PCDHA7: variants seen among roughly 807,000 people sequenced by gnomAD.
The protein encoded by PCDHA7 is protocadherin alpha 7.
In PCDHA7, 37 loss-of-function variants were observed where a neutral mutation model predicts 57.2. The ratio of observed to expected loss-of-function variants is 0.65; its 90% confidence interval spans 0.50 to 0.85. The LOEUF is 0.85. PCDHA7 is among the 40% of genes least tolerant of loss of function. PCDHA7 has a pLI of 0.00. For synonymous variants in PCDHA7, 553 were observed against 558.8 expected (o/e 0.99, Z 0.15); for missense variants, 1,188 against 1,241.8 (o/e 0.96, Z 0.65).
intron 1 of PCDHA7, chr5:140,927,776 T>C (rs781966197): frequency 7.4e-6 from 12 of 1,614,140 alleles, no homozygotes; most frequent in South Asian, 1.1e-5. Flanking sequence ...GAGGTGCAAG[T>C]AGCTGCTTCA....
rs562257406 is a variant in PCDHA7 at position 140,883,263 on chromosome 5, G to A, written c.2355+46525G>A. 5.0e-6 allele frequency: 8 copies of A among 1,613,870 alleles called. No individual in the cohort carries two copies. The Admixed American group carries it at 6.7e-5, about 13-fold the overall frequency. ...GACAAAGGAAATATTCCAATGGCGG[G>A]TCATTGTACCCTTTTGGTGGAAGTA... On this transcript the variant is annotated intron_variant, in intron 1 of 3. Transcript: ENST00000525929.
chr5:140,997,668 T>TTGTGTGTGTGTGTGTG (rs35184029), intron 3 of PCDHA7, among the ~76,000 whole-genome samples: 13 of 148,244 alleles, frequency 8.8e-5, no homozygotes, highest in African/African-American at 2.2e-4. Flanking sequence ...ATTATACAGC[T>TTGTGTGTGTGTGTGTG]TGTGTGTGTG....
chr5:140,928,258 G>A lies in PCDHA7; in HGVS notation c.2356-50691G>A, dbSNP rs782503341. 15 of 1,614,094 alleles carry A rather than the reference G, an allele frequency of 9.3e-6. No individual in the cohort carries two copies. The Admixed American group carries it at 2.0e-4, about 22-fold the overall frequency. On this transcript the variant is annotated intron_variant, in intron 1 of 3. Transcript: ENST00000525929. The stretch of plus-strand genomic sequence containing the variant: ...ACCCCAGCAGGAACTTTTCGTTGCT[G>A]AAAACAATGGCCCTGGGGCCTCTCT...
At chr5:140,986,668 A>C (rs927109652) in intron 3 of PCDHA7, among the ~76,000 whole-genome samples, 15 of 152,192 alleles carry the variant, frequency 9.9e-5, no homozygotes, top group African/African-American at 3.6e-4. Context: ...CACAGTTTTC[A>C]GAAGAGTTCA....
chr5:140,911,745 A>G (rs573838491), intron 1 of PCDHA7, among the ~76,000 whole-genome samples: 7 of 151,408 alleles, frequency 4.6e-5, no homozygotes, highest in Non-Finnish European at 1.0e-4. Flanking sequence ...AAGGACTATC[A>G]GTGTTCTCCA....
intron 1 of PCDHA7, among the ~76,000 whole-genome samples, chr5:140,933,053 G>C (rs2088831256): frequency 6.6e-6 from 1 of 151,948 alleles, no homozygotes; most frequent in Non-Finnish European, 1.5e-5. Flanking sequence ...TTACAGTCCA[G>C]GATCCTGACT....
intron 1 of PCDHA7, among the ~76,000 whole-genome samples, chr5:140,880,655 G>A (rs782616371): frequency 6.6e-6 from 1 of 152,186 alleles, no homozygotes; most frequent in African/African-American, 2.4e-5. Context: ...CCCAACTGAG[G>A]TAAAGGTGAG....
At chr5:140,850,136 C>A in intron 1 of PCDHA7, 1 of 1,595,682 alleles carries the variant, frequency 6.3e-7, no homozygotes, top group Non-Finnish European at 8.6e-7. Context: ...CTCTGGGCAG[C>A]AACGTGACGC....
At chr5:140,982,218 G>A (rs1054533925) in intron 2 of PCDHA7, 11 of 523,574 alleles carry the variant, frequency 2.1e-5, no homozygotes, top group African/African-American at 7.7e-5. Context: ...GCCACATGGC[G>A]TTAATAAAAA....
chr5:140,857,289 G>A lies in PCDHA7; in HGVS notation c.2355+20551G>A, dbSNP rs782361309. The A allele has an allele frequency of 3.8e-6, 6 of 1,598,692 alleles. No homozygotes were observed. In the South Asian group the frequency reaches 4.4e-5, roughly 12 times the overall value. ...TTGGTGCTGGACAGCGCTCTGGACC[G>A]CGAGAGGGTGTCGGCCTATGAGCTG... On this transcript the variant is annotated intron_variant, in intron 1 of 3. Coordinates refer to ENST00000525929, the MANE Select transcript of PCDHA7 (RefSeq NM_018910.3).
intron 1 of PCDHA7, chr5:140,882,237 T>C (rs2059015707): frequency 8.2e-6 from 13 of 1,582,128 alleles, no homozygotes; most frequent in Non-Finnish European, 1.1e-5. Context: ...TTGTATATAT[T>C]GCAGATAGCT....
At chr5:140,909,101 G>C (rs1242179195) in intron 1 of PCDHA7, among the ~76,000 whole-genome samples, 1 of 152,122 alleles carries the variant, frequency 6.6e-6, no homozygotes, top group Non-Finnish European at 1.5e-5. Flanking sequence ...CACTCACTGG[G>C]TCCAATCAGC....
intron 1 of PCDHA7, among the ~76,000 whole-genome samples, chr5:140,922,818 C>T (rs530870255): frequency 6.6e-6 from 1 of 152,208 alleles, no homozygotes; most frequent in Admixed American, 6.5e-5. Flanking sequence ...GGAGATACAG[C>T]ATACTGCTAA....
intron 1 of PCDHA7, among the ~76,000 whole-genome samples, chr5:140,837,367 G>T (rs1006213707): frequency 1.1e-4 from 16 of 151,860 alleles, no homozygotes; most frequent in Non-Finnish European, 4.4e-5. Context: ...CAGTTTAATA[G>T]TATTTTTTAT....
rs1166974775 is a variant in PCDHA7, at chr5:140,835,882, G to A, written c.1499G>A (p.Gly500Asp). 2.5e-6 allele frequency: 4 copies of A among 1,611,972 alleles called. No individual in the cohort carries two copies. The highest frequency in any genetic ancestry group is 2.5e-6 in the Non-Finnish European group (3 of 1,179,628). ...VSYSLVELRV[G>D]ERALSSYVSV... ...TACTCGCTGGTGGAGCTGCGGGTGG[G>A]CGAGCGCGCGCTGTCGAGCTACGTG... Residue 500 changes from glycine to aspartate, a missense_variant, in exon 1 of 4, where the codon GGC becomes GAC. Transcript: ENST00000525929.
chr5:140,845,946 A>G (rs1430863915), intron 1 of PCDHA7, among the ~76,000 whole-genome samples: 2 of 149,792 alleles, frequency 1.3e-5, no homozygotes, highest in East Asian at 1.9e-4. Flanking sequence ...CTGTAAAGTC[A>G]TTTTTTAGAT....
intron 1 of PCDHA7, among the ~76,000 whole-genome samples, chr5:140,948,945 A>C: frequency 6.6e-6 from 1 of 151,662 alleles, no homozygotes; most frequent in East Asian, 1.9e-4. Flanking sequence ...TCTAATATAA[A>C]AAAATTAAAG....
chr5:140,986,753 A>C (rs2097211895), intron 3 of PCDHA7, among the ~76,000 whole-genome samples: 1 of 152,236 alleles, frequency 6.6e-6, no homozygotes, highest in Non-Finnish European at 1.5e-5. Flanking sequence ...CTGGGACTAA[A>C]CAGTGAAAGA....
chr5:140,934,523 C>T (rs782685676), intron 1 of PCDHA7, among the ~76,000 whole-genome samples: 15 of 152,236 alleles, frequency 9.9e-5, no homozygotes, highest in South Asian at 8.3e-4. Context: ...GACCACACTT[C>T]GAGAGCTACC....
Sources: gnomAD v4.1 joint callset for allele counts (sites outside exome capture counted in the v4.1 genomes callset) on GRCh38, gnomAD v4.1.1 for gene constraint, MANE v1.5 for transcripts, NCBI Gene and HGNC (gene_info 2026-07-23, HGNC 2026-07-21) for gene names.